The following PSMA3 variants were observed in gnomAD, a reference collection of about 807,000 sequenced individuals.
PSMA3 encodes proteasome 20S subunit alpha 3, also known as proteasome subunit alpha type-3.
In PSMA3, 8 loss-of-function variants were observed where a neutral mutation model predicts 40.0. The observed-to-expected ratio is 0.20, with a 90% confidence interval of 0.12 to 0.36. The LOEUF (loss-of-function observed/expected upper bound fraction) is 0.36. Ranked by LOEUF, PSMA3 falls within the 10% of genes least tolerant of loss-of-function variation. PSMA3 has a pLI of 1.00. For missense variants in PSMA3, 219 were observed against 310.6 expected, an observed-to-expected ratio of 0.70 and a Z score of 2.22; for synonymous variants, 110 against 100.0, an observed-to-expected ratio of 1.10 and a Z score of -0.59.
chr14:58,257,669 A>G (rs1161986825), intron 3 of PSMA3, 76 bp from the exon 4 acceptor site: 14 of 1,309,900 alleles, frequency 1.1e-5, no homozygotes, highest in East Asian at 2.4e-5. Context: ...AAAATGTTTA[A>G]TAAGTCTTTA....
At chr14:58,249,497 CCTTT>C in intron 2 of PSMA3, among the ~76,000 whole-genome samples, 1 of 152,066 alleles carries the variant, frequency 6.6e-6, no homozygotes, top group Middle Eastern at 3.4e-3. Context: ...GCTTATTATT[CCTTT>C]TTTTTAAAAA....
chr14:58,263,981 T>C (rs1429702671), intron 7 of PSMA3, among the ~76,000 whole-genome samples: 1 of 152,220 alleles, frequency 6.6e-6, no homozygotes, highest in Non-Finnish European at 1.5e-5. Context: ...TTTGGCCCCA[T>C]GTGGCCTGTG....
chr14:58,251,850 T>C (rs934668915), intron 2 of PSMA3, among the ~76,000 whole-genome samples: 2 of 152,330 alleles, frequency 1.3e-5, no homozygotes, highest in African/African-American at 4.8e-5. Context: ...CTGAGCCATA[T>C]TGTGTTTCGT....
At chr14:58,264,509 A>G (rs1890378047) in intron 7 of PSMA3, among the ~76,000 whole-genome samples, 1 of 152,226 alleles carries the variant, frequency 6.6e-6, no homozygotes, top group Non-Finnish European at 1.5e-5. Flanking sequence ...ATTACCTGTC[A>G]GAAACTTGCC....
chr14:58,261,063 G>A (rs1743652034), intron 6 of PSMA3, 43 bp downstream of exon 6: 6 of 1,328,702 alleles, frequency 4.5e-6, no homozygotes, highest in Non-Finnish European at 6.5e-6. Context: ...TTAGTTTAAT[G>A]GTATTTCATT....
chr14:58,261,163 C>T (rs1316248120), intron 6 of PSMA3, 143 bp downstream of exon 6: 7 of 617,958 alleles, frequency 1.1e-5, no homozygotes, highest in Middle Eastern at 4.4e-4. Flanking sequence ...TTTACAACAA[C>T]CTCTTGTCCA....
intron 2 of PSMA3, among the ~76,000 whole-genome samples, chr14:58,251,334 GGT>G (rs1401006361): frequency 2.0e-5 from 3 of 152,182 alleles, no homozygotes; most frequent in Non-Finnish European, 4.4e-5. Flanking sequence ...TGCACAGACT[GGT>G]GTGCAGTGGT....
chr14:58,245,479 ATC>A (rs2140075684), intron 1 of PSMA3: 1 of 153,038 alleles, frequency 6.5e-6, no homozygotes, highest in African/African-American at 2.4e-5. Flanking sequence ...CTGAAAAACA[ATC>A]TGATGAATCC....
chr14:58,249,320 C>T (rs1889949876), intron 2 of PSMA3, among the ~76,000 whole-genome samples: 1 of 151,918 alleles, frequency 6.6e-6, no homozygotes, highest in South Asian at 2.1e-4. Flanking sequence ...CCAAAGTGAA[C>T]AAATGCTAGT....
rs1172038875 is a variant in PSMA3 at position 58,270,823 on chromosome 14, T to C, written c.659-111T>C. The C allele has an allele frequency of 8.4e-6, 8 of 948,714 alleles. No homozygotes were observed. In the Admixed American group the frequency reaches 2.1e-4, roughly 24 times the overall value. The allele number at this position is 948,714 out of a possible 1,614,324, so 58.8% of individuals were successfully genotyped here. ...TCGAGTATTACTCATAGTACAACTTTGCAACCTTAGGTGAGTCAGATATGT... is the reference window on the plus strand; with the variant it reads ...TCGAGTATTACTCATAGTACAACTTCGCAACCTTAGGTGAGTCAGATATGT... On this transcript the variant is annotated intron_variant, in intron 9 of 10. Transcript: ENST00000216455.
At chr14:58,254,205 TTTA>T (rs1890085750) in intron 3 of PSMA3, among the ~76,000 whole-genome samples, 2 of 151,142 alleles carry the variant, frequency 1.3e-5, no homozygotes, top group East Asian at 1.9e-4. Context: ...GCTGAACAGA[TTTA>T]TTATTGCCAG....
intron 8 of PSMA3, 64 bp from the exon 9 acceptor site, chr14:58,270,354 G>A: frequency 6.3e-7 from 1 of 1,594,768 alleles, no homozygotes; most frequent in African/African-American, 1.3e-5. Flanking sequence ...ACTGACTTTG[G>A]GTCTGTGAAC....
In PSMA3 at chr14:58,257,885, A is replaced by C. The variant is rs777019897; in HGVS notation, c.330+39A>C. The C allele has an allele frequency of 9.9e-6, 16 of 1,612,472 alleles. No individual in the cohort carries two copies. The South Asian group carries it at 1.6e-4, about 17-fold the overall frequency. ...ATATTGAGGAACCTTTTGGACAGTA[A>C]TAGAAGTTTATTAATAAGCTCTTCT... is the stretch of plus-strand genomic sequence containing the variant. On this transcript the variant is annotated intron_variant, in intron 4 of 10. Coordinates refer to ENST00000216455, the MANE Select transcript of PSMA3 (RefSeq NM_002788.4).
At chr14:58,258,544 T>A (rs1037974348) in intron 5 of PSMA3, 2 of 151,294 alleles carry the variant, frequency 1.3e-5, no homozygotes, top group African/African-American at 4.9e-5. Flanking sequence ...AATCTGATTA[T>A]AATAAGCTCT....
At chr14:58,271,256 A>G (rs79058988) in intron 10 of PSMA3, among the ~76,000 whole-genome samples, 2 of 33,196 alleles carry the variant, frequency 6.0e-5, no homozygotes, top group Non-Finnish European at 1.9e-4. Context: ...CCTTGGTTCC[A>G]AAAAAAAAAA....
intron 7 of PSMA3, chr14:58,264,941 C>T (rs1200548485): frequency 2.0e-5 from 3 of 152,128 alleles, no homozygotes; most frequent in Non-Finnish European, 2.9e-5. Flanking sequence ...TTCATCTCTC[C>T]ATACTATTAT....
intron 2 of PSMA3, among the ~76,000 whole-genome samples, 200 bp downstream of exon 2, chr14:58,248,032 T>TA (rs969976491): frequency 6.6e-6 from 1 of 152,190 alleles, no homozygotes; most frequent in Non-Finnish European, 1.5e-5. Flanking sequence ...ATTATCCACT[T>TA]AGATTTTCCA....
chr14:58,260,906 T>C (rs767016382), intron 5 of PSMA3, 42 bp from the exon 6 acceptor site: 13 of 1,379,508 alleles, frequency 9.4e-6, no homozygotes, highest in South Asian at 5.1e-5. Context: ...AATACTTTTA[T>C]GTTATTGCCA....
chr14:58,254,581 C>A (rs532680215), intron 3 of PSMA3, among the ~76,000 whole-genome samples: 1 of 151,702 alleles, frequency 6.6e-6, no homozygotes, highest in East Asian at 1.9e-4. Flanking sequence ...AGCGATCCTC[C>A]CGCCTCAGCT....
Sources: allele counts gnomAD v4.1 joint callset (sites outside exome capture counted in the v4.1 genomes callset), GRCh38; gene constraint gnomAD v4.1.1; transcripts MANE v1.5; gene names NCBI Gene and HGNC (gene_info 2026-07-23, HGNC 2026-07-21).